Variants in MIPEP observed in about 807,000 individuals in gnomAD.
MIPEP encodes mitochondrial intermediate peptidase.
Under a neutral mutation model 90.3 loss-of-function variants are expected in MIPEP, and 79 were observed. The observed-to-expected ratio is 0.87, with a 90% CI of 0.73 to 1.05. The LOEUF (loss-of-function observed/expected upper bound fraction) is 1.05. Among genes scored for constraint, MIPEP ranks in the 50% least tolerant of loss-of-function variants. The probability of loss-of-function intolerance (pLI) is 0.00; values close to 1 mark genes in which losing one functional copy is unlikely to be tolerated. For synonymous variants in MIPEP, 334 were observed against 315.8 expected (o/e 1.06, Z -0.61); for missense variants, 940 against 905.6 (o/e 1.04, Z -0.49).
Position 23,793,690 on chromosome 13 carries a change from T to C in MIPEP, c.1848+12260A>G, listed in dbSNP as rs1025214193. Among the ~76,000 whole-genome samples the C allele has an allele frequency of 2.0e-5, 3 of 151,850 alleles. No individual in the cohort carries two copies. In the East Asian group the frequency reaches 5.8e-4, roughly 29 times the overall value. On this transcript the variant is annotated intron_variant, in intron 16 of 18. Coordinates refer to ENST00000382172, the MANE Select transcript of MIPEP (RefSeq NM_005932.4). ...ATAGAAATGAATCAAATGGCATCAA[T>C]ACATTATAAACTGAGATGACCCATC...
At chr13:23,853,908 C>A (rs576873182) in intron 10 of MIPEP, among the ~76,000 whole-genome samples, 1 of 151,134 alleles carries the variant, frequency 6.6e-6, no homozygotes, top group African/African-American at 2.4e-5. Context: ...TTAAGTGGCA[C>A]ATGACTGTAC....
chr13:23,854,064 G>A (rs983684002), intron 10 of MIPEP, among the ~76,000 whole-genome samples: 13 of 150,724 alleles, frequency 8.6e-5, no homozygotes, highest in South Asian at 2.2e-4. Flanking sequence ...GGTGGCTCAC[G>A]CCTGTAATCC....
rs376923975 is a variant in MIPEP, at chr13:23,796,426, CCAAA to C, written c.1848+9520_1848+9523del. ...AGCGAGACTCCATCTCAAAAAAAAA[CCAAA>C]CAAACAAAAATTGACTATCAAGGGA... On this transcript the variant is annotated intron_variant, in intron 16 of 18. Transcript: ENST00000382172. Among the ~76,000 whole-genome samples the C allele has an allele frequency of 5.4e-3, 817 of 151,952 alleles. 10 individuals are homozygous for C. Among genetic ancestry groups the C allele is most frequent in the African/African-American group, 0.018 (752 of 41,450 alleles).
chr13:23,859,185 A>G (rs974583164), intron 9 of MIPEP, among the ~76,000 whole-genome samples: 1 of 152,110 alleles, frequency 6.6e-6, no homozygotes, highest in Middle Eastern at 3.2e-3. Context: ...GTATCTAACA[A>G]AAGTAAACAT....
intron 13 of MIPEP, among the ~76,000 whole-genome samples, chr13:23,836,600 G>T (rs1290942904): frequency 6.6e-6 from 1 of 152,108 alleles, no homozygotes; most frequent in Non-Finnish European, 1.5e-5. Flanking sequence ...ATAAAGCCAT[G>T]GCTCACACCT....
intron 16 of MIPEP, among the ~76,000 whole-genome samples, chr13:23,803,382 C>A (rs1455370142): frequency 4.6e-5 from 7 of 152,046 alleles, no homozygotes; most frequent in Non-Finnish European, 8.8e-5. Flanking sequence ...ACAACAACAA[C>A]AACAACAAAA....
At chr13:23,756,427 G>T (rs745929026) in intron 18 of MIPEP, 118 bp downstream of exon 18, 11 of 1,054,080 alleles carry the variant, frequency 1.0e-5, no homozygotes, top group African/African-American at 1.6e-5. Flanking sequence ...AAAGTGCTGG[G>T]ATTACAGGCA....
intron 18 of MIPEP, among the ~76,000 whole-genome samples, chr13:23,740,270 C>T (rs1179208732): frequency 6.6e-6 from 1 of 152,132 alleles, no homozygotes; most frequent in Non-Finnish European, 1.5e-5. Flanking sequence ...TGTGTTCTTC[C>T]AGGATTGAGT....
At position 23,839,672 on chromosome 13, in the gene MIPEP, GA is replaced by G; in HGVS notation, c.1314del (p.Gln439SerfsTer19). 6.2e-7 allele frequency: 1 copy of G among 1,612,674 alleles called. No individual in the cohort carries two copies. Among genetic ancestry groups the G allele is most frequent in the South Asian group, 1.1e-5 (1 of 90,796 alleles). ...GLLGYIYCDFFQRADKPHQDC... is the reference protein window; with the variant it reads ...GLLGYIYCDFXQRADKPHQDC... ...ACCTGATGTGGTTTGTCTGCTCGCTGAAAAAAATCACAGTAAATGTACCCCA... is the reference window on the plus strand; with the variant it reads ...ACCTGATGTGGTTTGTCTGCTCGCTGAAAAAATCACAGTAAATGTACCCCA... On this transcript the variant is annotated frameshift_variant, in exon 12 of 19. Transcript: ENST00000382172. LOFTEE classifies it high-confidence loss of function.
chr13:23,858,800 C>A, intron 10 of MIPEP, 60 bp downstream of exon 10: 1 of 1,458,416 alleles, frequency 6.9e-7, no homozygotes, highest in South Asian at 1.1e-5. Context: ...ACAGTAGCTG[C>A]TGAATAAACA....
chr13:23,881,830 A>C (rs1871283078), intron 2 of MIPEP, 43 bp from the exon 3 acceptor site: 1 of 1,477,916 alleles, frequency 6.8e-7, no homozygotes, highest in South Asian at 1.2e-5. Context: ...ATTTGATGAG[A>C]AGCTTTCTTC....
At chr13:23,738,000 C>G (rs1952283376) in intron 18 of MIPEP, among the ~76,000 whole-genome samples, 1 of 152,130 alleles carries the variant, frequency 6.6e-6, no homozygotes, top group Non-Finnish European at 1.5e-5. Context: ...GCTGTTTGAT[C>G]AATGGCTGAG....
At chr13:23,792,919 T>C (rs1387348091) in intron 16 of MIPEP, among the ~76,000 whole-genome samples, 1 of 152,218 alleles carries the variant, frequency 6.6e-6, no homozygotes, top group East Asian at 1.9e-4. Flanking sequence ...TCATTCTCCA[T>C]GCTCCAGAAT....
At chr13:23,760,435 AG>A in intron 16 of MIPEP, 1 of 723,852 alleles carries the variant, frequency 1.4e-6, no homozygotes, top group Admixed American at 1.9e-5. Context: ...TGAAACCCAA[AG>A]CCATACCTCA....
At chr13:23,746,698 C>T (rs1230298497) in intron 18 of MIPEP, among the ~76,000 whole-genome samples, 2 of 149,322 alleles carry the variant, frequency 1.3e-5, no homozygotes, top group Non-Finnish European at 3.0e-5. Context: ...TCTTCAAAAA[C>T]ATCTTATGAT....
intron 8 of MIPEP, among the ~76,000 whole-genome samples, chr13:23,863,300 G>A (rs1870391174): frequency 1.3e-5 from 2 of 152,124 alleles, no homozygotes; most frequent in East Asian, 1.9e-4. Flanking sequence ...GTGTATGATC[G>A]AAGGCACTGA....
intron 1 of MIPEP, among the ~76,000 whole-genome samples, chr13:23,887,478 G>C: frequency 6.6e-6 from 1 of 152,184 alleles, no homozygotes. Flanking sequence ...TATTGGGAAA[G>C]ACAGAACTCG....
At chr13:23,760,034 T>A in intron 17 of MIPEP, 62 bp downstream of exon 17, 1 of 1,605,174 alleles carries the variant, frequency 6.2e-7, no homozygotes, top group Non-Finnish European at 8.5e-7. Context: ...GACTTCCAGA[T>A]GTAATAGAGT....
At chr13:23,759,938 A>C (rs1354467061) in intron 17 of MIPEP, among the ~76,000 whole-genome samples, 158 bp downstream of exon 17, 1 of 152,120 alleles carries the variant, frequency 6.6e-6, no homozygotes, top group Admixed American at 6.5e-5. Flanking sequence ...TTGGGTGGGA[A>C]TGGCCAAGTG....
Sources: allele counts gnomAD v4.1 joint callset (sites outside exome capture counted in the v4.1 genomes callset), GRCh38; gene constraint gnomAD v4.1.1; transcripts MANE v1.5; gene names NCBI Gene and HGNC (gene_info 2026-07-23, HGNC 2026-07-21).